ZNF331: variants seen among roughly 807,000 people sequenced by gnomAD.
ZNF331 encodes zinc finger protein 331.
ZNF331 carries 2 observed loss-of-function variants against 7.0 expected under a neutral mutation model. That is an observed-to-expected ratio of 0.29 (90% CI 0.12 to 0.90). The LOEUF (loss-of-function observed/expected upper bound fraction) is 0.90. ZNF331 is among the 40% of genes least tolerant of loss of function. ZNF331 has a pLI of 0.58. For missense variants in ZNF331, 432 were observed against 587.7 expected, an observed-to-expected ratio of 0.74 and a Z score of 2.74; for synonymous variants, 196 against 205.4, an observed-to-expected ratio of 0.95 and a Z score of 0.39.
chr19:53,514,652 CTTT>C (rs67056894), upstream of ZNF331, among the ~76,000 whole-genome samples: 10 of 132,958 alleles, frequency 7.5e-5, no homozygotes, highest in Admixed American at 8.0e-5. Context: ...AAGCCTTCTC[CTTT>C]TTTTTTTTTT....
the ZNF331 span, chr19:53,503,304 G>C: frequency 2.7e-6 from 1 of 366,032 alleles, no homozygotes; most frequent in South Asian, 2.2e-5. Flanking sequence ...CCAAGTACCA[G>C]CTGCCTTTTA....
At chr19:53,513,840 C>A in the ZNF331 span, among the ~76,000 whole-genome samples, 1 of 152,058 alleles carries the variant, frequency 6.6e-6, no homozygotes. Flanking sequence ...AAACTCCTGA[C>A]CTCAGGTGAT....
intron 2 of ZNF331, among the ~76,000 whole-genome samples, chr19:53,544,750 T>G (rs952189294): frequency 1.3e-5 from 2 of 151,952 alleles, no homozygotes; most frequent in Admixed American, 6.6e-5. Flanking sequence ...TTTCTTTTTT[T>G]TGAGACGGAG....
exon 1 of ZNF331, chr19:53,521,490 CG>C (rs2087085682): frequency 1.3e-5 from 2 of 152,336 alleles, no homozygotes. Flanking sequence ...TTGACGCGGC[CG>C]GGCTCTGTCC....
intron 3 of ZNF331, among the ~76,000 whole-genome samples, chr19:53,568,332 T>TC (rs1378926581): frequency 6.6e-6 from 1 of 151,910 alleles, no homozygotes; most frequent in East Asian, 1.9e-4. Context: ...GAGTCAGGAC[T>TC]CATTACTCTG....
intron 2 of ZNF331, chr19:53,522,718 A>G (rs2708754): frequency 0.67 from 101,378 of 152,136 alleles, 34,803 homozygotes; most frequent in African/African-American, 0.84. Flanking sequence ...AATGATTTGT[A>G]TTTATACAAC....
chr19:53,514,324 G>A, the ZNF331 span, among the ~76,000 whole-genome samples: 4 of 151,746 alleles, frequency 2.6e-5, no homozygotes, highest in African/African-American at 7.3e-5. Flanking sequence ...TCAGCCTCCC[G>A]AGTTGCTGGG....
upstream of ZNF331, chr19:53,537,767 G>A (rs1179677095): frequency 6.6e-6 from 1 of 152,488 alleles, no homozygotes; most frequent in East Asian, 1.9e-4. Context: ...TGCGTCTGCG[G>A]CTTTGGGAGA....
At chr19:53,570,734 G>A (rs1341209943) in intron 4 of ZNF331, among the ~76,000 whole-genome samples, 1 of 151,854 alleles carries the variant, frequency 6.6e-6, no homozygotes, top group East Asian at 1.9e-4. Context: ...GTTTCTGCAT[G>A]TTGGTCAACC....
chr19:53,509,914 T>C, the ZNF331 span, among the ~76,000 whole-genome samples: 3 of 152,104 alleles, frequency 2.0e-5, no homozygotes, highest in East Asian at 5.8e-4. Context: ...TGTCTTACCA[T>C]TGTGAAAAGG....
At chr19:53,576,443 A>G (rs1023953443) in intron 5 of ZNF331, among the ~76,000 whole-genome samples, 1 of 152,176 alleles carries the variant, frequency 6.6e-6, no homozygotes, top group African/African-American at 2.4e-5. Context: ...ACTTGTTTTC[A>G]TCTTCAAAAT....
rs2090815138 is a variant in ZNF331, at chr19:53,578,461, T to G, written c.*509T>G. 8.7e-6 allele frequency: 2 copies of G among 229,146 alleles called. No homozygotes were observed. The highest frequency in any genetic ancestry group is 5.4e-5 in the Admixed American group (1 of 18,404). The allele number at this position is 229,146 out of a possible 1,614,324, so 14.2% of individuals were successfully genotyped here. A position where few individuals can be genotyped will look rare whatever the true frequency, so the allele number is the denominator to read the frequency against. On this transcript the variant is annotated 3_prime_UTR_variant, in exon 6 of 6. Coordinates refer to ENST00000449416, the MANE Select transcript of ZNF331 (RefSeq NM_001079906.2). The stretch of plus-strand genomic sequence containing the variant: ...ACAATAAGATATTTTGGGAGAGAGA[T>G]ACGTTCACATAATTTTATTACATAT...
At chr19:53,546,446 C>T (rs971570979) in intron 2 of ZNF331, among the ~76,000 whole-genome samples, 3 of 151,922 alleles carry the variant, frequency 2.0e-5, no homozygotes, top group African/African-American at 4.8e-5. Flanking sequence ...GACCAGCCCT[C>T]TCCTTTGAGT....
chr19:53,556,011 G>GAGGC (rs1568502899), intron 3 of ZNF331, 103 bp downstream of exon 3: 1 of 151,480 alleles, frequency 6.6e-6, no homozygotes, highest in Non-Finnish European at 1.5e-5. Flanking sequence ...TTGGGAGGCC[G>GAGGC]AGGTGGGCAA....
rs986443437 is a variant in ZNF331 at position 53,579,558 on chromosome 19, ATTG to A, written c.*1612_*1614del. ...TGTGTAATTTTAATAAATAATAACTATTGTTGTTTTTATGATCATTACTACCAT... is the reference window on the plus strand; with the variant it reads ...TGTGTAATTTTAATAAATAATAACTATTGTTTTTATGATCATTACTACCAT... On this transcript the variant is annotated 3_prime_UTR_variant, in exon 6 of 6. Transcript: ENST00000449416. 9.9e-6 allele frequency: 2 copies of A among 202,776 alleles called. No individual in the cohort carries two copies. Among genetic ancestry groups the A allele is most frequent in the African/African-American group, 4.6e-5 (2 of 43,694 alleles). The allele number at this position is 202,776 out of a possible 1,614,324, so 12.6% of individuals were successfully genotyped here.
At position 53,571,175 on chromosome 19, in the gene ZNF331, C is replaced by T. The variant is rs1418785128; in HGVS notation, c.10-429C>T. Among the ~76,000 whole-genome samples the T allele has an allele frequency of 6.6e-6, 1 of 152,222 alleles. No homozygotes were observed. Among genetic ancestry groups the T allele is most frequent in the East Asian group, 1.9e-4 (1 of 5,194 alleles). On this transcript the variant is annotated intron_variant, in intron 4 of 5. Coordinates refer to ENST00000449416, the MANE Select transcript of ZNF331 (RefSeq NM_001079906.2). This position sits in a 1 kb window ranked among gnomAD's most constrained non-coding sequence, Gnocchi z 4.7. ...GGATTACAGGCGTGAGCCCCCCGCCCAGCCCCAGCAAACCCTATTTTCTAA... is the reference window on the plus strand; with the variant it reads ...GGATTACAGGCGTGAGCCCCCCGCCTAGCCCCAGCAAACCCTATTTTCTAA...
chr19:53,562,813 C>A (rs1395338130), intron 3 of ZNF331, among the ~76,000 whole-genome samples: 3 of 151,790 alleles, frequency 2.0e-5, no homozygotes, highest in African/African-American at 7.3e-5. Context: ...CATGGTGAAA[C>A]CCCATCTCTA....
the ZNF331 span, chr19:53,512,013 C>G: frequency 2.6e-5 from 4 of 152,468 alleles, no homozygotes; most frequent in South Asian, 6.2e-4. Flanking sequence ...TGCTGGTCAT[C>G]TGGAGGAATC....
intron 2 of ZNF331, among the ~76,000 whole-genome samples, chr19:53,544,467 C>T (rs532827508): frequency 6.7e-6 from 1 of 150,302 alleles, no homozygotes; most frequent in Non-Finnish European, 1.5e-5. Flanking sequence ...ATGGCGTGAA[C>T]CCAGGAGACA....
Sources: gnomAD v4.1 joint callset for allele counts (sites outside exome capture counted in the v4.1 genomes callset) on GRCh38, gnomAD v4.1.1 for gene constraint, Gnocchi (gnomAD v3.1) non-coding constraint, MANE v1.5 for transcripts, NCBI Gene and HGNC (gene_info 2026-07-23, HGNC 2026-07-21) for gene names.